Variants in POFUT4 observed in about 807,000 individuals in gnomAD.
POFUT4 encodes the protein protein O-fucosyltransferase 4.
the POFUT4 span, chr10:73,773,312 C>G: frequency 1.2e-6 from 2 of 1,614,220 alleles, no homozygotes; most frequent in Non-Finnish European, 8.5e-7. Flanking sequence ...ATAAGTTCCA[C>G]TTGGCCCTGG....
chr10:73,772,704 GCA>G, the POFUT4 span: 2 of 1,580,964 alleles, frequency 1.3e-6, no homozygotes, highest in Non-Finnish European at 1.7e-6. Flanking sequence ...CTCTTCTACG[GCA>G]CAGACTTCCG....
the POFUT4 span, chr10:73,772,500 T>G: frequency 3.8e-6 from 6 of 1,559,188 alleles, no homozygotes; most frequent in African/African-American, 1.4e-5. Flanking sequence ...CTGGGCGCAG[T>G]GGGGGTGACG....
At chr10:73,776,039 C>T in the POFUT4 span, 12 of 217,096 alleles carry the variant, frequency 5.5e-5, no homozygotes, top group African/African-American at 2.0e-4. Flanking sequence ...GGTCAGGTTA[C>T]GACTTACAAC....
the POFUT4 span, chr10:73,775,654 A>C: frequency 1.2e-6 from 2 of 1,614,248 alleles, no homozygotes; most frequent in Admixed American, 1.7e-5. Context: ...GATTACCTAC[A>C]TGAAATCTTC....
the POFUT4 span, chr10:73,772,794 T>A: frequency 1.9e-6 from 3 of 1,611,312 alleles, no homozygotes; most frequent in Non-Finnish European, 1.7e-6. Context: ...CTCAACAACT[T>A]CTTGCTGAGC....
chr10:73,772,763 C>T, the POFUT4 span: 1 of 1,607,180 alleles, frequency 6.2e-7, no homozygotes, highest in Non-Finnish European at 8.5e-7. Flanking sequence ...GAGCTGGGCG[C>T]TCCTCCACGA....
chr10:73,772,852 C>A, the POFUT4 span: 4 of 1,612,266 alleles, frequency 2.5e-6, no homozygotes, highest in Non-Finnish European at 3.4e-6. Context: ...CCTTCAGTCG[C>A]CACTCGGATT....
At chr10:73,779,441 T>G in the POFUT4 span, 1 of 151,690 alleles carries the variant, frequency 6.6e-6, no homozygotes, top group South Asian at 2.1e-4. Context: ...CGCATGACTA[T>G]AATCCCAGCT....
chr10:73,775,168 G>A, the POFUT4 span: 31 of 510,882 alleles, frequency 6.1e-5, no homozygotes, highest in African/African-American at 5.5e-4. Flanking sequence ...TTGATTATTG[G>A]CATAAAGGTG....
the POFUT4 span, chr10:73,772,385 G>C: frequency 1.9e-6 from 3 of 1,564,958 alleles, no homozygotes; most frequent in South Asian, 1.2e-5. Flanking sequence ...GGTGCTCAGT[G>C]TCTGTGCAGC....
chr10:73,777,232 AT>A, the POFUT4 span, among the ~76,000 whole-genome samples: 3 of 150,736 alleles, frequency 2.0e-5, no homozygotes, highest in African/African-American at 7.3e-5. Context: ...AAAAAGTCAT[AT>A]TTTTCTTTAA....
the POFUT4 span, among the ~76,000 whole-genome samples, chr10:73,778,157 CCAGCCT>C: frequency 6.7e-6 from 1 of 150,220 alleles, no homozygotes; most frequent in African/African-American, 2.4e-5. Context: ...AGCCCCGTGC[CCAGCCT>C]GAGACTACTT....
the POFUT4 span, chr10:73,776,063 C>T: frequency 1.6e-5 from 3 of 192,686 alleles, no homozygotes; most frequent in East Asian, 1.2e-4. Flanking sequence ...TGTTCTATTC[C>T]CCAGACTCCT....
At chr10:73,777,845 G>A in the POFUT4 span, among the ~76,000 whole-genome samples, 7 of 150,292 alleles carry the variant, frequency 4.7e-5, no homozygotes, top group African/African-American at 1.7e-4. Context: ...GTGAGCCACC[G>A]TGCCCAGGTG....
At chr10:73,778,619 T>C in the POFUT4 span, among the ~76,000 whole-genome samples, 1 of 152,086 alleles carries the variant, frequency 6.6e-6, no homozygotes, top group Non-Finnish European at 1.5e-5. Flanking sequence ...CCTATATCTA[T>C]ATATCTACCT....
chr10:73,777,253 AAATGTTAAAATAGGCCAAT>A, the POFUT4 span, among the ~76,000 whole-genome samples: 1 of 152,056 alleles, frequency 6.6e-6, no homozygotes, highest in Non-Finnish European at 1.5e-5. Context: ...AATGATTTTG[AAATGTTAAAATAGGCCAAT>A]ATGAGTCAAA....
the POFUT4 span, chr10:73,772,679 C>T: frequency 2.6e-6 from 4 of 1,559,286 alleles, no homozygotes; most frequent in Non-Finnish European, 3.5e-6. Context: ...GAGGGACTCG[C>T]GGACGCGCGC....
the POFUT4 span, among the ~76,000 whole-genome samples, chr10:73,777,533 A>G: frequency 2.7e-5 from 4 of 150,204 alleles, no homozygotes; most frequent in African/African-American, 9.8e-5. Context: ...CATTCACTGT[A>G]TTACTAATAC....
chr10:73,773,004 G>A, the POFUT4 span: 1 of 1,588,084 alleles, frequency 6.3e-7, no homozygotes, highest in Non-Finnish European at 8.5e-7. Context: ...CCAGCGGACC[G>A]GGACCGCTAC....
Sources: allele counts gnomAD v4.1 joint callset (sites outside exome capture counted in the v4.1 genomes callset), GRCh38; gene constraint gnomAD v4.1.1; transcripts MANE v1.5; gene names NCBI Gene and HGNC (gene_info 2026-07-23, HGNC 2026-07-21).